TMOD1: variants seen among roughly 807,000 people sequenced by gnomAD.
TMOD1 encodes the protein tropomodulin 1.
Under a neutral mutation model 40.6 loss-of-function variants are expected in TMOD1, and 17 were observed. That is an observed-to-expected ratio of 0.42 (90% CI 0.29 to 0.63). The LOEUF (loss-of-function observed/expected upper bound fraction) is 0.63, where lower values mean the gene tolerates loss of function less well. Ranked by LOEUF, TMOD1 falls within the 20% of genes least tolerant of loss-of-function variation. The probability of loss-of-function intolerance (pLI) is 0.22; values close to 1 mark genes in which losing one functional copy is unlikely to be tolerated. For synonymous variants in TMOD1, 181 were observed against 175.0 expected, an observed-to-expected ratio of 1.03 and a Z score of -0.27; for missense variants, 391 against 447.6, an observed-to-expected ratio of 0.87 and a Z score of 1.14.
intron 8 of TMOD1, among the ~76,000 whole-genome samples, chr9:97,578,155 A>G (rs1825653846): frequency 6.6e-6 from 1 of 152,144 alleles, no homozygotes; most frequent in Non-Finnish European, 1.5e-5. Context: ...TCCCTGGTTC[A>G]AGCAATTCTC....
chr9:97,578,407 T>A (rs1009175634), intron 8 of TMOD1, among the ~76,000 whole-genome samples: 2 of 152,212 alleles, frequency 1.3e-5, no homozygotes, highest in African/African-American at 2.4e-5. Context: ...GTGTTCTATT[T>A]TACTCCTTAA....
intron 2 of TMOD1, among the ~76,000 whole-genome samples, chr9:97,532,629 A>C (rs1830121327): frequency 6.6e-6 from 1 of 152,142 alleles, no homozygotes; most frequent in Non-Finnish European, 1.5e-5. Flanking sequence ...AAAAAAAAAA[A>C]AGAAATCACT....
At position 97,502,724 on chromosome 9, in the gene TMOD1, G is replaced by T. The variant is rs1297947390; in HGVS notation, c.-49+921G>T. 6.6e-6 allele frequency among the ~76,000 whole-genome samples: 1 copy of T among 152,182 alleles called. No homozygotes were observed. Among genetic ancestry groups the T allele is most frequent in the African/African-American group, 2.4e-5 (1 of 41,434 alleles). ...TATCCTGGGACTCACTAAGGCCGTCGGATATCCTAAGCCGTACAACCCTAG... is the reference window on the plus strand; with the variant it reads ...TATCCTGGGACTCACTAAGGCCGTCTGATATCCTAAGCCGTACAACCCTAG... On this transcript the variant is annotated intron_variant, in intron 1 of 9. Coordinates refer to ENST00000259365, the MANE Select transcript of TMOD1 (RefSeq NM_003275.4). This position sits in a 1 kb window ranked among gnomAD's most constrained non-coding sequence, Gnocchi z 6.1.
chr9:97,600,461 T>C lies in TMOD1; in HGVS notation c.*763T>C. 1 of 985,634 alleles carries C rather than the reference T, an allele frequency of 1.0e-6. No homozygotes were observed. 61.1% of individuals were successfully genotyped at this position (985,634 alleles called of 1,614,324 possible). A position where few individuals can be genotyped will look rare whatever the true frequency, so the allele number is the denominator to read the frequency against. On this transcript the variant is annotated 3_prime_UTR_variant, in exon 10 of 10. Coordinates refer to ENST00000259365, the MANE Select transcript of TMOD1 (RefSeq NM_003275.4). The stretch of plus-strand genomic sequence containing the variant: ...AATACTGGAGTTAGAACTTTTTCCT[T>C]ATTGAATGCCAACCTTATGATGGAT...
At chr9:97,577,957 C>T (rs10114427) in intron 8 of TMOD1, among the ~76,000 whole-genome samples, 12,322 of 152,134 alleles carry the variant, frequency 0.081, 552 homozygotes, top group African/African-American at 0.11. Context: ...GGTTTTTAGT[C>T]GTGGCTCCCC....
At chr9:97,596,069 C>CA (rs922343142) in intron 9 of TMOD1, among the ~76,000 whole-genome samples, 1,797 of 145,466 alleles carry the variant, frequency 0.012, 28 homozygotes, top group African/African-American at 0.037. Flanking sequence ...AAAACTCCAT[C>CA]AAAAAAAAAA....
At chr9:97,509,884 ATTAT>A (rs1342498324) in intron 1 of TMOD1, among the ~76,000 whole-genome samples, 1 of 152,032 alleles carries the variant, frequency 6.6e-6, no homozygotes, top group East Asian at 1.9e-4. Context: ...GAGTTTTGTT[ATTAT>A]TTATATGTGT....
Position 97,601,004 on chromosome 9 carries a change from G to A in TMOD1, c.*1306G>A. ...GTCAAGAACTCCAGAGCACTGAGCA[G>A]AGAGGCTGGTGATGAAAAGGTGAAG... On this transcript the variant is annotated 3_prime_UTR_variant, in exon 10 of 10. Transcript: ENST00000259365. The A allele has an allele frequency of 7.8e-7, 1 of 1,283,552 alleles. No individual in the cohort carries two copies. Among genetic ancestry groups the A allele is most frequent in the Non-Finnish European group, 1.0e-6 (1 of 976,536 alleles). The allele number at this position is 1,283,552 out of a possible 1,614,324, so 79.5% of individuals were successfully genotyped here.
intron 6 of TMOD1, 87 bp downstream of exon 6, chr9:97,564,255 G>A: frequency 6.7e-7 from 1 of 1,495,180 alleles, no homozygotes; most frequent in South Asian, 1.3e-5. Flanking sequence ...AGGGTTGGTT[G>A]TGCAGAGTAA....
In TMOD1 at chr9:97,599,721, C is replaced by T; in HGVS notation, c.*23C>T. The T allele has an allele frequency of 1.2e-6, 2 of 1,614,036 alleles. No homozygotes were observed. Among genetic ancestry groups the T allele is most frequent in the South Asian group, 1.1e-5 (1 of 91,064 alleles). ...TAGTGTGTGGCGGTGGAGTCCATGC[C>T]TTTGAACTGGATGTGTTCTATTGAT... On this transcript the variant is annotated 3_prime_UTR_variant, in exon 10 of 10. Transcript: ENST00000259365.
intron 8 of TMOD1, among the ~76,000 whole-genome samples, chr9:97,574,123 T>G (rs1222037193): frequency 6.6e-6 from 1 of 152,144 alleles, no homozygotes; most frequent in East Asian, 1.9e-4. Context: ...TGGCCGCGCT[T>G]GTGGAGCCCT....
chr9:97,547,125 G>T (rs548464385), intron 3 of TMOD1, among the ~76,000 whole-genome samples: 27 of 152,008 alleles, frequency 1.8e-4, no homozygotes, highest in Non-Finnish European at 1.5e-4. Flanking sequence ...CCAGCCTGAG[G>T]CAAGCCATCT....
At chr9:97,559,794 A>AAAAATATATATATATAT (rs1390791825) in intron 4 of TMOD1, among the ~76,000 whole-genome samples, 1 of 23,180 alleles carries the variant, frequency 4.3e-5, no homozygotes, top group African/African-American at 1.5e-4. Context: ...AAAAAAAAAA[A>AAAAATATATATATATAT]ATATATATAT....
In TMOD1 at chr9:97,513,797, C is replaced by T. The variant is rs1829747511; in HGVS notation, c.-48-10344C>T. On this transcript the variant is annotated intron_variant, in intron 1 of 9. Transcript: ENST00000259365. The surrounding 1 kb of genome is among the most constrained non-coding windows in gnomAD (Gnocchi z 4.1). ...AAGTCAGGACTTGTAACCAGGCCCC[C>T]TGACTTCTATGGCAATGCTCCTTCT... 1 of 152,256 alleles carries T rather than the reference C, an allele frequency of 6.6e-6. No individual in the cohort carries two copies. The highest frequency in any genetic ancestry group is 6.5e-5 in the Admixed American group (1 of 15,288). 9.4% of individuals were successfully genotyped at this position (152,256 alleles called of 1,614,324 possible).
At chr9:97,592,089 T>C (rs780119642) in intron 9 of TMOD1, among the ~76,000 whole-genome samples, 1 of 152,096 alleles carries the variant, frequency 6.6e-6, no homozygotes, top group Non-Finnish European at 1.5e-5. Flanking sequence ...CTTATATACC[T>C]ATATGAACAA....
chr9:97,538,221 C>A (rs185791376), intron 2 of TMOD1, among the ~76,000 whole-genome samples: 2 of 152,110 alleles, frequency 1.3e-5, no homozygotes, highest in African/African-American at 4.8e-5. Context: ...TTAAAACCTG[C>A]GCTAAATTTC....
At chr9:97,559,647 C>T (rs1444311053) in intron 4 of TMOD1, among the ~76,000 whole-genome samples, 5 of 150,830 alleles carry the variant, frequency 3.3e-5, no homozygotes, top group African/African-American at 4.9e-5. Flanking sequence ...TGTCTGTAAT[C>T]CCAGCTACTT....
intron 1 of TMOD1, among the ~76,000 whole-genome samples, chr9:97,514,065 A>C (rs1011959409): frequency 2.0e-5 from 3 of 151,482 alleles, no homozygotes; most frequent in Non-Finnish European, 4.4e-5. Context: ...CACTGTCTTA[A>C]ATTTTTTTTT....
At chr9:97,561,861 AC>A (rs1200081666) in intron 4 of TMOD1, among the ~76,000 whole-genome samples, 1 of 152,152 alleles carries the variant, frequency 6.6e-6, no homozygotes, top group Non-Finnish European at 1.5e-5. Flanking sequence ...CCTTCTCTTA[AC>A]TTGACCAACA....
Sources: allele counts gnomAD v4.1 joint callset (sites outside exome capture counted in the v4.1 genomes callset), GRCh38; gene constraint gnomAD v4.1.1; non-coding constraint Gnocchi (gnomAD v3.1); transcripts MANE v1.5; gene names NCBI Gene and HGNC (gene_info 2026-07-23, HGNC 2026-07-21).